Variants in PTCHD4 observed in about 807,000 individuals in gnomAD.
The protein encoded by PTCHD4 is patched domain containing 4.
PTCHD4 carries 33 observed loss-of-function variants against 58.1 expected under a neutral mutation model. That is an observed-to-expected ratio of 0.57 (90% CI 0.43 to 0.76). The LOEUF (loss-of-function observed/expected upper bound fraction) is 0.76, where lower values mean the gene tolerates loss of function less well. Among genes scored for constraint, PTCHD4 ranks in the 30% least tolerant of loss-of-function variants. PTCHD4 has a pLI of 0.00. For missense variants in PTCHD4, 1,058 were observed against 1,027.1 expected, an observed-to-expected ratio of 1.03 and a Z score of -0.41; for synonymous variants, 478 against 409.6, an observed-to-expected ratio of 1.17 and a Z score of -2.02.
At chr6:48,090,233 A>T (rs181080706) in intron 1 of PTCHD4, among the ~76,000 whole-genome samples, 40 of 152,302 alleles carry the variant, frequency 2.6e-4, no homozygotes, top group Non-Finnish European at 5.4e-4. Context: ...AAATGCATGC[A>T]ATTATTATAG....
Position 47,879,821 on chromosome 6 carries a change from G to C in PTCHD4, c.1014C>G (p.Thr338=). 6.2e-7 allele frequency: 1 copy of C among 1,613,218 alleles called. No individual in the cohort carries two copies. Among genetic ancestry groups the C allele is most frequent in the Non-Finnish European group, 8.5e-7 (1 of 1,179,564 alleles). ...DAYSDVMVTY[T]MTSSLYFITF... ...TGATGAAGTACAGGGAGCTGGTCAT[G>C]GTATAGGTGACCATCACATCAGAAT... Residue 338 remains threonine, a synonymous_variant, in exon 5 of 5, where the codon ACC becomes ACG. Transcript: ENST00000339488.
At chr6:47,970,753 A>G (rs1258941968) in intron 4 of PTCHD4, among the ~76,000 whole-genome samples, 3 of 152,172 alleles carry the variant, frequency 2.0e-5, no homozygotes, top group Non-Finnish European at 4.4e-5. Flanking sequence ...AATTGGATTG[A>G]GTTTTCTCTA....
At chr6:47,893,221 G>C (rs1764433483) in intron 4 of PTCHD4, among the ~76,000 whole-genome samples, 1 of 152,166 alleles carries the variant, frequency 6.6e-6, no homozygotes, top group South Asian at 2.1e-4. Flanking sequence ...ATGTTGACCA[G>C]GATGGTTTCT....
At chr6:48,012,786 G>A (rs1000264646) in intron 3 of PTCHD4, among the ~76,000 whole-genome samples, 2 of 152,082 alleles carry the variant, frequency 1.3e-5, no homozygotes, top group Admixed American at 1.3e-4. Flanking sequence ...GCATGAAGGG[G>A]TGTTTAATTT....
intron 1 of PTCHD4, among the ~76,000 whole-genome samples, chr6:48,080,684 A>G (rs1765148944): frequency 6.6e-6 from 1 of 152,224 alleles, no homozygotes; most frequent in Non-Finnish European, 1.5e-5. Flanking sequence ...GATGAGAACT[A>G]CGGAAGATAA....
intron 1 of PTCHD4, among the ~76,000 whole-genome samples, chr6:48,105,379 TAA>T (rs1198386795): frequency 1.3e-5 from 2 of 152,064 alleles, no homozygotes; most frequent in African/African-American, 4.8e-5. Context: ...AAGGCAGAAA[TAA>T]AGATGTTCTT....
In PTCHD4 at chr6:48,098,930, T is replaced by C. The variant is rs137890381; in HGVS notation, c.-970+12119A>G. On this transcript the variant is annotated intron_variant, in intron 1 of 4. Coordinates refer to ENST00000339488, the MANE Select transcript of PTCHD4 (RefSeq NM_001384253.1). ...ATTTGAAATTGCTCCATACACAGCA[T>C]ATTGTATCTTAATTTTTTTTTGAAG... 1.9e-3 allele frequency among the ~76,000 whole-genome samples: 294 copies of C among 152,250 alleles called. 2 individuals are homozygous for C. Among genetic ancestry groups the C allele is most frequent in the Non-Finnish European group, 1.4e-3 (96 of 68,014 alleles).
At chr6:48,030,939 A>G (rs1403145492) in intron 3 of PTCHD4, among the ~76,000 whole-genome samples, 1 of 152,128 alleles carries the variant, frequency 6.6e-6, no homozygotes, top group Non-Finnish European at 1.5e-5. Flanking sequence ...GGTGACTCAG[A>G]AAGTCTTTAA....
rs1763493266 is a variant in PTCHD4, at chr6:47,864,014, T to C, written c.*14289A>G. 6.6e-6 allele frequency among the ~76,000 whole-genome samples: 1 copy of C among 151,998 alleles called. No individual in the cohort carries two copies. Among genetic ancestry groups the C allele is most frequent in the Non-Finnish European group, 1.5e-5 (1 of 67,934 alleles). On this transcript the variant is annotated 3_prime_UTR_variant, in exon 5 of 5. Transcript: ENST00000339488. ...TGAGAAGCTGACCTTTGTCCTCACC[T>C]TCTTCCCTGGACAGATTTAATCCAA...
At chr6:48,014,699 C>A (rs1762807664) in intron 3 of PTCHD4, among the ~76,000 whole-genome samples, 1 of 152,044 alleles carries the variant, frequency 6.6e-6, no homozygotes, top group African/African-American at 2.4e-5. Flanking sequence ...GAAAGGATAT[C>A]ATTATAACTA....
In PTCHD4 at chr6:48,098,342, CT is replaced by C. The variant is rs776103767; in HGVS notation, c.-970+12706del. Among the ~76,000 whole-genome samples, 741 of 140,138 alleles carry C rather than the reference CT, an allele frequency of 5.3e-3. 5 individuals carry two copies. Among genetic ancestry groups the C allele is most frequent in the African/African-American group, 0.012 (446 of 38,490 alleles). 91.9% of individuals were successfully genotyped at this position (140,138 alleles called of 152,430 possible). On this transcript the variant is annotated intron_variant, in intron 1 of 4. Coordinates refer to ENST00000339488, the MANE Select transcript of PTCHD4 (RefSeq NM_001384253.1). Reference sequence around the variant, plus strand: ...TTTTCTTCTTCTTCTTCTTCTTCTTCTTTTTTTTTTTTTTGAGAGAGAGTCT... The same window carrying C: ...TTTTCTTCTTCTTCTTCTTCTTCTTCTTTTTTTTTTTTTGAGAGAGAGTCT...
chr6:48,026,820 A>T (rs923959669), intron 3 of PTCHD4, among the ~76,000 whole-genome samples: 1 of 152,144 alleles, frequency 6.6e-6, no homozygotes, highest in East Asian at 1.9e-4. Context: ...CCTCCACAAG[A>T]TTACATATTG....
chr6:48,079,264 T>C (rs542744908), intron 1 of PTCHD4, among the ~76,000 whole-genome samples: 1 of 152,280 alleles, frequency 6.6e-6, no homozygotes, highest in Non-Finnish European at 1.5e-5. Flanking sequence ...TTCTCATTAA[T>C]TACCTTGCAT....
intron 3 of PTCHD4, among the ~76,000 whole-genome samples, chr6:48,028,707 A>C (rs955793328): frequency 6.6e-6 from 1 of 152,072 alleles, no homozygotes; most frequent in African/African-American, 2.4e-5. Context: ...GCTTTGTGTC[A>C]ACCTTTATCA....
intron 4 of PTCHD4, among the ~76,000 whole-genome samples, chr6:47,935,437 A>G (rs902214993): frequency 2.6e-5 from 4 of 152,166 alleles, no homozygotes; most frequent in Non-Finnish European, 5.9e-5. Context: ...AAGTAACACC[A>G]CCTGGCTCAT....
At chr6:48,021,277 G>T in intron 3 of PTCHD4, among the ~76,000 whole-genome samples, 1 of 152,022 alleles carries the variant, frequency 6.6e-6, no homozygotes, top group Admixed American at 6.6e-5. Context: ...AAAGTGAATA[G>T]CAACAGATTT....
chr6:47,916,650 TAC>T (rs147208530), intron 4 of PTCHD4, among the ~76,000 whole-genome samples: 14 of 150,778 alleles, frequency 9.3e-5, no homozygotes, highest in Admixed American at 9.3e-4. Context: ...GACACACACA[TAC>T]ACACACACAC....
chr6:47,966,914 C>T (rs1225389750), intron 4 of PTCHD4, among the ~76,000 whole-genome samples: 1 of 152,072 alleles, frequency 6.6e-6, no homozygotes, highest in Non-Finnish European at 1.5e-5. Flanking sequence ...ATGTCTTGAG[C>T]CCTTCAAAAT....
At position 47,982,990 on chromosome 6, in the gene PTCHD4, T is replaced by C. The variant is rs1336750171; in HGVS notation, c.898+25644A>G. ...TTAAAAGGCTATGAAATCATATATA[T>C]TATGTACATGACAAAGCAGAAAGTA... is the stretch of plus-strand genomic sequence containing the variant. On this transcript the variant is annotated intron_variant, in intron 4 of 4. Coordinates refer to ENST00000339488, the MANE Select transcript of PTCHD4 (RefSeq NM_001384253.1). Among the ~76,000 whole-genome samples, 3 of 152,300 alleles carry C rather than the reference T, an allele frequency of 2.0e-5. No homozygotes were observed. In the East Asian group the frequency reaches 5.8e-4, roughly 29 times the overall value.
Sources: gnomAD v4.1 joint callset for allele counts (sites outside exome capture counted in the v4.1 genomes callset) on GRCh38, gnomAD v4.1.1 for gene constraint, MANE v1.5 for transcripts, NCBI Gene and HGNC (gene_info 2026-07-23, HGNC 2026-07-21) for gene names.